Variants in IGF2BP3 observed in about 807,000 individuals in gnomAD.
IGF2BP3 encodes insulin like growth factor 2 mRNA binding protein 3.
Under a neutral mutation model 73.8 loss-of-function variants are expected in IGF2BP3, and 9 were observed. That is an observed-to-expected ratio of 0.12 (90% CI 0.07 to 0.21). The LOEUF is 0.21. Ranked by LOEUF, IGF2BP3 falls within the 10% of genes least tolerant of loss-of-function variation. The pLI, the probability that IGF2BP3 is intolerant of heterozygous loss-of-function variation, is 1.00. For synonymous variants in IGF2BP3, 258 were observed against 256.7 expected, an observed-to-expected ratio of 1.01 and a Z score of -0.05; for missense variants, 542 against 714.0, an observed-to-expected ratio of 0.76 and a Z score of 2.75.
intron 6 of IGF2BP3, among the ~76,000 whole-genome samples, chr7:23,348,684 T>A (rs769486520): frequency 5.3e-5 from 8 of 152,114 alleles, no homozygotes; most frequent in Non-Finnish European, 1.0e-4. Context: ...ACCTACTAGA[T>A]GCTAGTAGCA....
chr7:23,364,317 T>C (rs1051885929), intron 3 of IGF2BP3, among the ~76,000 whole-genome samples: 3 of 151,014 alleles, frequency 2.0e-5, no homozygotes, highest in Non-Finnish European at 2.9e-5. Context: ...GAGGTTGCAG[T>C]GGGCTGAGAT....
chr7:23,406,661 G>C (rs1388079390), intron 3 of IGF2BP3, among the ~76,000 whole-genome samples: 1 of 152,130 alleles, frequency 6.6e-6, no homozygotes, highest in African/African-American at 2.4e-5. Flanking sequence ...TGTGGAAGGG[G>C]ACCCTGGCGG....
At chr7:23,352,552 T>A (rs776422536) in intron 5 of IGF2BP3, among the ~76,000 whole-genome samples, 1 of 152,212 alleles carries the variant, frequency 6.6e-6, no homozygotes, top group Non-Finnish European at 1.5e-5. Flanking sequence ...CCTCCCAAAG[T>A]GCTGGGATTA....
intron 3 of IGF2BP3, among the ~76,000 whole-genome samples, chr7:23,392,619 C>CA (rs1786320983): frequency 6.6e-6 from 1 of 151,814 alleles, no homozygotes; most frequent in African/African-American, 2.4e-5. Flanking sequence ...ACAGTGAACA[C>CA]AAACACTTTT....
intron 3 of IGF2BP3, among the ~76,000 whole-genome samples, chr7:23,401,947 T>C (rs886659756): frequency 6.6e-6 from 1 of 151,948 alleles, no homozygotes; most frequent in South Asian, 2.1e-4. Context: ...CAAAACCCCA[T>C]CTCTACTAAA....
chr7:23,393,327 A>G (rs1262513519), intron 3 of IGF2BP3, among the ~76,000 whole-genome samples: 1 of 152,240 alleles, frequency 6.6e-6, no homozygotes, highest in African/African-American at 2.4e-5. Flanking sequence ...ACAAGTTATT[A>G]TTAATAACTA....
intron 3 of IGF2BP3, chr7:23,415,240 G>A (rs1490006559): frequency 1.2e-5 from 3 of 244,392 alleles, no homozygotes; most frequent in African/African-American, 7.2e-5. Flanking sequence ...GCATCACCAG[G>A]TCCCTACCCA....
At chr7:23,454,243 T>C (rs1788264953) in intron 2 of IGF2BP3, among the ~76,000 whole-genome samples, 1 of 152,212 alleles carries the variant, frequency 6.6e-6, no homozygotes, top group South Asian at 2.1e-4. Flanking sequence ...TCCTGGTCTA[T>C]TATTTCCTTT....
intron 2 of IGF2BP3, among the ~76,000 whole-genome samples, chr7:23,456,528 G>C (rs563836313): frequency 8.5e-5 from 13 of 152,352 alleles, no homozygotes; most frequent in African/African-American, 3.1e-4. Context: ...TAAGGTATCA[G>C]AACTTCAGCT....
At chr7:23,419,985 A>G (rs1244575454) in intron 2 of IGF2BP3, among the ~76,000 whole-genome samples, 1 of 152,236 alleles carries the variant, frequency 6.6e-6, no homozygotes, top group Non-Finnish European at 1.5e-5. Context: ...ACATGTATAT[A>G]TGTATGTATA....
intron 3 of IGF2BP3, among the ~76,000 whole-genome samples, chr7:23,369,757 G>A (rs1411858189): frequency 4.6e-5 from 7 of 151,906 alleles, no homozygotes; most frequent in Non-Finnish European, 7.4e-5. Flanking sequence ...GACCTGCAAC[G>A]TGATCAGATT....
chr7:23,436,579 T>C (rs1787812781), intron 2 of IGF2BP3, among the ~76,000 whole-genome samples: 2 of 152,210 alleles, frequency 1.3e-5, no homozygotes, highest in South Asian at 4.1e-4. Flanking sequence ...CTGGGCTTGT[T>C]AGTACCCAGA....
chr7:23,440,182 G>C (rs1282407296), intron 2 of IGF2BP3, among the ~76,000 whole-genome samples: 1 of 151,754 alleles, frequency 6.6e-6, no homozygotes, highest in South Asian at 2.1e-4. Flanking sequence ...AGAATCACTG[G>C]AACCCAGGAG....
intron 3 of IGF2BP3, chr7:23,362,381 G>A (rs1785252842): frequency 6.6e-6 from 1 of 152,252 alleles, no homozygotes; most frequent in Non-Finnish European, 1.5e-5. Context: ...CTAGAAAAAT[G>A]AAGACAGCAC....
At position 23,440,907 on chromosome 7, in the gene IGF2BP3, C is replaced by A. The variant is rs541198464; in HGVS notation, c.237-22083G>T. Reference sequence around the variant, plus strand: ...ATATCAGTTGCAAGCATTTGGGATTCTGAATCCCTTCTCTATAGATTTATC... The same window carrying A: ...ATATCAGTTGCAAGCATTTGGGATTATGAATCCCTTCTCTATAGATTTATC... On this transcript the variant is annotated intron_variant, in intron 2 of 14. Transcript: ENST00000258729. 1.1e-3 allele frequency among the ~76,000 whole-genome samples: 175 copies of A among 152,308 alleles called. 2 individuals carry two copies. Among genetic ancestry groups the A allele is most frequent in the African/African-American group, 4.1e-3 (169 of 41,578 alleles).
chr7:23,368,990 T>TA (rs907235110), intron 3 of IGF2BP3, among the ~76,000 whole-genome samples: 23 of 152,126 alleles, frequency 1.5e-4, no homozygotes, highest in Admixed American at 9.2e-4. Flanking sequence ...ATAAAGCTGT[T>TA]AAAAAAATAC....
intron 3 of IGF2BP3, among the ~76,000 whole-genome samples, chr7:23,409,066 G>A (rs1426988293): frequency 4.6e-5 from 7 of 152,128 alleles, no homozygotes; most frequent in Non-Finnish European, 8.8e-5. Flanking sequence ...ATCCCTCAAC[G>A]TGTGCAGTTC....
At chr7:23,318,986 G>T in intron 11 of IGF2BP3, 152 bp downstream of exon 11, 1 of 589,944 alleles carries the variant, frequency 1.7e-6, no homozygotes, top group South Asian at 2.2e-5. Context: ...AGCCTCCTTG[G>T]TGTAAGCCAC....
At chr7:23,407,629 C>A (rs952140460) in intron 3 of IGF2BP3, among the ~76,000 whole-genome samples, 2 of 142,128 alleles carry the variant, frequency 1.4e-5, no homozygotes, top group South Asian at 2.3e-4. Flanking sequence ...AAAAAAAAAA[C>A]TTCTGAGAGA....
Sources: gnomAD v4.1 joint callset for allele counts (sites outside exome capture counted in the v4.1 genomes callset) on GRCh38, gnomAD v4.1.1 for gene constraint, MANE v1.5 for transcripts, NCBI Gene and HGNC (gene_info 2026-07-23, HGNC 2026-07-21) for gene names.